MPDZ: variants seen among roughly 807,000 people sequenced by gnomAD.
The protein encoded by MPDZ is multiple PDZ domain crumbs cell polarity complex component, also known as multiple PDZ domain protein.
MPDZ carries 234 observed loss-of-function variants against 239.1 expected under a neutral mutation model. That is an observed-to-expected ratio of 0.98 (90% confidence interval 0.88 to 1.09). The LOEUF is 1.09. Among genes scored for constraint, MPDZ ranks in the 50% least tolerant of loss-of-function variants. The pLI, the probability that MPDZ is intolerant of heterozygous loss-of-function variation, is 0.00. For missense variants in MPDZ, 3,175 were observed against 2,510.0 expected, an observed-to-expected ratio of 1.26 and a Z score of -5.66; for synonymous variants, 1,048 against 881.3, an observed-to-expected ratio of 1.19 and a Z score of -3.35.
At chr9:13,200,112 A>C (rs1374940313) in intron 12 of MPDZ, among the ~76,000 whole-genome samples, 2 of 150,952 alleles carry the variant, frequency 1.3e-5, no homozygotes, top group African/African-American at 4.9e-5. Flanking sequence ...TTTATTACCA[A>C]CTCAATCTTG....
At chr9:13,269,475 G>A (rs1455084270) in intron 1 of MPDZ, among the ~76,000 whole-genome samples, 1 of 152,072 alleles carries the variant, frequency 6.6e-6, no homozygotes, top group Non-Finnish European at 1.5e-5. Flanking sequence ...TAACATTCCT[G>A]CAAGCTCCAA....
intron 3 of MPDZ, among the ~76,000 whole-genome samples, chr9:13,243,297 A>G (rs1399937984): frequency 6.6e-6 from 1 of 151,934 alleles, no homozygotes; most frequent in Non-Finnish European, 1.5e-5. Context: ...TAACCCACCC[A>G]TTGCCAAGGG....
At chr9:13,267,450 G>A (rs1318260782) in intron 1 of MPDZ, among the ~76,000 whole-genome samples, 1 of 152,120 alleles carries the variant, frequency 6.6e-6, no homozygotes, top group Non-Finnish European at 1.5e-5. Flanking sequence ...AAGTAATAGA[G>A]CTGTCTTACC....
intron 1 of MPDZ, among the ~76,000 whole-genome samples, chr9:13,255,233 C>A (rs574946508): frequency 6.6e-6 from 1 of 152,314 alleles, no homozygotes; most frequent in African/African-American, 2.4e-5. Flanking sequence ...CATCTTCAGA[C>A]TCCATTTGAA....
chr9:13,158,757 T>C (rs866408029), intron 23 of MPDZ, among the ~76,000 whole-genome samples: 18 of 152,178 alleles, frequency 1.2e-4, no homozygotes, highest in African/African-American at 4.1e-4. Flanking sequence ...TTTTGCCAAA[T>C]GCCAGGCATG....
chr9:13,263,431 A>C (rs1971141734), intron 1 of MPDZ, among the ~76,000 whole-genome samples: 1 of 152,098 alleles, frequency 6.6e-6, no homozygotes, highest in African/African-American at 2.4e-5. Context: ...TAAAACTATA[A>C]TACTAACTTA....
Position 13,149,948 on chromosome 9 carries a change from T to C in MPDZ, c.3630+563A>G, listed in dbSNP as rs77756385. Among the ~76,000 whole-genome samples, 1,428 of 151,986 alleles carry C rather than the reference T, an allele frequency of 9.4e-3. 19 individuals carry two copies. The highest frequency in any genetic ancestry group is 0.015 in the Non-Finnish European group (1,024 of 67,928). ...TGAAAGGTAACTGAGGTGTCAGCAT[T>C]AAATATTTTACTAAAAAAGACTCAC... is the stretch of plus-strand genomic sequence containing the variant. On this transcript the variant is annotated intron_variant, in intron 25 of 46. Coordinates refer to ENST00000319217, the MANE Select transcript of MPDZ (RefSeq NM_001378778.1).
At chr9:13,175,430 A>T (rs909202336) in intron 21 of MPDZ, among the ~76,000 whole-genome samples, 1 of 152,214 alleles carries the variant, frequency 6.6e-6, no homozygotes, top group Admixed American at 6.5e-5. Context: ...TAGAATTCCA[A>T]ATTGCTGAGT....
intron 44 of MPDZ, 48 bp from the exon 45 acceptor site, chr9:13,110,112 T>C (rs1038660270): frequency 1.5e-6 from 2 of 1,368,576 alleles, no homozygotes; most frequent in African/African-American, 2.9e-5. Flanking sequence ...TTCCTGTGGC[T>C]AGGGAAAGTA....
chr9:13,243,289 A>G (rs1459935077), intron 3 of MPDZ, among the ~76,000 whole-genome samples: 1 of 152,052 alleles, frequency 6.6e-6, no homozygotes, highest in Admixed American at 6.6e-5. Context: ...CCATGAGATA[A>G]CCCACCCATT....
intron 3 of MPDZ, among the ~76,000 whole-genome samples, chr9:13,241,608 A>C (rs1042288515): frequency 6.6e-6 from 1 of 152,168 alleles, no homozygotes; most frequent in African/African-American, 2.4e-5. Context: ...ATAAGAAGAG[A>C]GGGAAACACA....
intron 23 of MPDZ, among the ~76,000 whole-genome samples, chr9:13,162,037 G>C (rs529538718): frequency 2.6e-5 from 4 of 152,162 alleles, no homozygotes; most frequent in Non-Finnish European, 5.9e-5. Context: ...GGACGAGGTG[G>C]GCAGACTGCT....
At chr9:13,211,297 G>A (rs1241232302) in intron 10 of MPDZ, among the ~76,000 whole-genome samples, 1 of 152,072 alleles carries the variant, frequency 6.6e-6, no homozygotes, top group Non-Finnish European at 1.5e-5. Context: ...AAAAGGGGCA[G>A]TTGATGACAA....
intron 12 of MPDZ, among the ~76,000 whole-genome samples, chr9:13,199,750 G>C (rs1156739497): frequency 6.6e-6 from 1 of 151,928 alleles, no homozygotes; most frequent in Non-Finnish European, 1.5e-5. Context: ...GCATCTATTT[G>C]ATGTATCCCA....
intron 24 of MPDZ, among the ~76,000 whole-genome samples, chr9:13,156,274 T>C (rs1949798651): frequency 6.6e-6 from 1 of 152,170 alleles, no homozygotes; most frequent in Non-Finnish European, 1.5e-5. Flanking sequence ...GCCAAAATCC[T>C]AACATGGCTC....
intron 21 of MPDZ, among the ~76,000 whole-genome samples, chr9:13,174,025 A>G (rs1042701629): frequency 2.0e-5 from 3 of 152,154 alleles, no homozygotes; most frequent in Admixed American, 6.5e-5. Context: ...ATAACAAACC[A>G]GTTTCAGTAA....
intron 45 of MPDZ, 95 bp from the exon 46 acceptor site, chr9:13,109,154 T>G: frequency 2.0e-6 from 2 of 1,008,500 alleles, no homozygotes; most frequent in Non-Finnish European, 2.6e-6. Flanking sequence ...AGAGCTAGCA[T>G]AATTCTCTTT....
At chr9:13,215,413 T>C (rs1423650936) in intron 10 of MPDZ, among the ~76,000 whole-genome samples, 2 of 150,742 alleles carry the variant, frequency 1.3e-5, no homozygotes, top group African/African-American at 4.9e-5. Context: ...TATGTCAACA[T>C]ATATATCAAT....
At chr9:13,115,192 A>G (rs1943193382) in intron 40 of MPDZ, 56 bp downstream of exon 40, 2 of 1,466,132 alleles carry the variant, frequency 1.4e-6, no homozygotes, top group Admixed American at 1.7e-5. Context: ...AGGGCCATCT[A>G]TGTGTCCTCT....
Sources: gnomAD v4.1 joint callset for allele counts (sites outside exome capture counted in the v4.1 genomes callset) on GRCh38, gnomAD v4.1.1 for gene constraint, MANE v1.5 for transcripts, NCBI Gene and HGNC (gene_info 2026-07-23, HGNC 2026-07-21) for gene names.